Variants in OXR1 observed in about 807,000 individuals in gnomAD.
The protein encoded by OXR1 is oxidation resistance 1, also known as oxidation resistance protein 1.
Under a neutral mutation model 104.6 loss-of-function variants are expected in OXR1, and 41 were observed. That is an observed-to-expected ratio of 0.39 (90% confidence interval 0.31 to 0.51). The LOEUF is 0.51. Among genes scored for constraint, OXR1 ranks in the 20% least tolerant of loss-of-function variants. The pLI is 0.77. For missense variants in OXR1, 955 were observed against 1,031.9 expected (o/e 0.93, Z 1.02); for synonymous variants, 348 against 348.4 (o/e 1.00, Z 0.01).
intron 3 of OXR1, among the ~76,000 whole-genome samples, chr8:106,622,516 A>C (rs1821803925): frequency 6.8e-6 from 1 of 147,782 alleles, no homozygotes; most frequent in African/African-American, 2.5e-5. Context: ...CCCCGCCATT[A>C]CTCCACTCCG....
chr8:106,592,888 C>G (rs1185132171), intron 3 of OXR1, among the ~76,000 whole-genome samples: 1 of 152,130 alleles, frequency 6.6e-6, no homozygotes, highest in Non-Finnish European at 1.5e-5. Context: ...TTTCCTGTTT[C>G]TACCATTTAT....
intron 1 of OXR1, among the ~76,000 whole-genome samples, chr8:106,322,236 G>A (rs932063526): frequency 1.3e-5 from 2 of 152,076 alleles, no homozygotes; most frequent in East Asian, 3.9e-4. Context: ...ATGCAAGGTT[G>A]GTTCAACATA....
intron 1 of OXR1, among the ~76,000 whole-genome samples, chr8:106,348,637 C>T (rs1815597648): frequency 1.3e-5 from 2 of 151,942 alleles, no homozygotes; most frequent in African/African-American, 4.8e-5. Flanking sequence ...TATATCAAAA[C>T]AGCTGGTTTT....
intron 2 of OXR1, among the ~76,000 whole-genome samples, chr8:106,391,621 C>G (rs1817588772): frequency 6.6e-6 from 1 of 151,938 alleles, no homozygotes; most frequent in Non-Finnish European, 1.5e-5. Context: ...TTTTTCAAAC[C>G]ACAGTTTGAT....
At chr8:106,673,505 G>A (rs549946377) in intron 3 of OXR1, among the ~76,000 whole-genome samples, 3 of 152,314 alleles carry the variant, frequency 2.0e-5, no homozygotes, top group African/African-American at 7.2e-5. Flanking sequence ...TGGACAACTT[G>A]CAGCCTGACA....
intron 3 of OXR1, among the ~76,000 whole-genome samples, chr8:106,640,922 T>C (rs1823577313): frequency 6.6e-6 from 1 of 152,198 alleles, no homozygotes; most frequent in East Asian, 1.9e-4. Flanking sequence ...ATAAAGTAAA[T>C]TTACTTCATT....
At chr8:106,707,352 G>A in intron 9 of OXR1, 1 of 651,052 alleles carries the variant, frequency 1.5e-6, no homozygotes, top group South Asian at 1.7e-5. Flanking sequence ...CACATAATGA[G>A]CATCATTGCT....
intron 3 of OXR1, among the ~76,000 whole-genome samples, chr8:106,531,649 C>A (rs1046360692): frequency 6.6e-6 from 1 of 152,074 alleles, no homozygotes; most frequent in Admixed American, 6.6e-5. Context: ...AATAGAATTT[C>A]TTTTCCAGTT....
At chr8:106,677,185 A>AAATGAGT (rs11268819) in intron 3 of OXR1, among the ~76,000 whole-genome samples, 1 of 151,856 alleles carries the variant, frequency 6.6e-6, no homozygotes, top group Non-Finnish European at 1.5e-5. Context: ...TTAAATTGCA[A>AAATGAGT]GTTTAATTTG....
Position 106,270,215 on chromosome 8 carries a change from G to C in OXR1, c.-291G>C, listed in dbSNP as rs1013731589. The C allele has an allele frequency of 8.5e-5, 13 of 152,198 alleles. No homozygotes were observed. The highest frequency in any genetic ancestry group is 3.1e-4 in the African/African-American group (13 of 41,454). 9.4% of individuals were successfully genotyped at this position (152,198 alleles called of 1,614,324 possible). On this transcript the variant is annotated 5_prime_UTR_variant, in exon 1 of 17. Coordinates refer to ENST00000517566, the MANE Select transcript of OXR1 (RefSeq NM_001198533.2). ...GCTCAGCGGCGCCGGCAGCAGCGGG[G>C]CTAGAGCTGGGCTGCGTCAGGCTGA...
intron 7 of OXR1, 92 bp from the exon 8 acceptor site, chr8:106,702,814 C>T: frequency 5.2e-6 from 5 of 958,180 alleles, no homozygotes; most frequent in Non-Finnish European, 7.7e-6. Flanking sequence ...TTATATATGG[C>T]CTAACATCAG....
chr8:106,615,517 A>C (rs781544172), intron 3 of OXR1, among the ~76,000 whole-genome samples: 21 of 150,318 alleles, frequency 1.4e-4, no homozygotes, highest in Non-Finnish European at 3.1e-4. Flanking sequence ...CTGAGGTGGG[A>C]GGATGGCTTG....
At chr8:106,676,027 A>G (rs1827552454) in intron 3 of OXR1, among the ~76,000 whole-genome samples, 1 of 152,094 alleles carries the variant, frequency 6.6e-6, no homozygotes, top group Non-Finnish European at 1.5e-5. Flanking sequence ...TGAACCCTTT[A>G]GCATTATGTA....
chr8:106,641,579 T>C (rs976930333), intron 3 of OXR1, among the ~76,000 whole-genome samples: 1 of 152,196 alleles, frequency 6.6e-6, no homozygotes, highest in African/African-American at 2.4e-5. Flanking sequence ...TCCAGTAGAA[T>C]AGGGTTTCTT....
chr8:106,359,867 C>A (rs1267229161), intron 2 of OXR1, among the ~76,000 whole-genome samples: 2 of 152,112 alleles, frequency 1.3e-5, no homozygotes, highest in African/African-American at 4.8e-5. Flanking sequence ...CGCACTGAAT[C>A]CCAGTGACCT....
At chr8:106,536,219 CA>C (rs535365640) in intron 3 of OXR1, among the ~76,000 whole-genome samples, 7 of 94,850 alleles carry the variant, frequency 7.4e-5, no homozygotes, top group African/African-American at 2.3e-4. Flanking sequence ...GACTCTGTCT[CA>C]AAAAAAAAAG....
intron 3 of OXR1, among the ~76,000 whole-genome samples, chr8:106,674,013 G>A (rs995174347): frequency 6.6e-6 from 1 of 152,214 alleles, no homozygotes; most frequent in African/African-American, 2.4e-5. Context: ...GTGAAATGTG[G>A]GGTCAGAGCC....
At chr8:106,331,001 A>G (rs1219009573) in intron 1 of OXR1, among the ~76,000 whole-genome samples, 1 of 152,240 alleles carries the variant, frequency 6.6e-6, no homozygotes, top group Non-Finnish European at 1.5e-5. Flanking sequence ...TAAGAGAAAT[A>G]AAGTTTTATT....
At chr8:106,587,861 A>G (rs1818744565) in intron 3 of OXR1, among the ~76,000 whole-genome samples, 2 of 152,226 alleles carry the variant, frequency 1.3e-5, no homozygotes, top group African/African-American at 4.8e-5. Context: ...TGCCTAGTAC[A>G]GAGAAGGAAA....
Sources: allele counts gnomAD v4.1 joint callset (sites outside exome capture counted in the v4.1 genomes callset), GRCh38; gene constraint gnomAD v4.1.1; transcripts MANE v1.5; gene names NCBI Gene and HGNC (gene_info 2026-07-23, HGNC 2026-07-21).